ZBTB38: variants seen among roughly 807,000 people sequenced by gnomAD.
ZBTB38 encodes zinc finger and BTB domain-containing protein 38.
Under a neutral mutation model 76.8 loss-of-function variants are expected in ZBTB38, and 20 were observed. That is an observed-to-expected ratio of 0.26 (90% confidence interval 0.18 to 0.38). ZBTB38 has a LOEUF of 0.38. ZBTB38 is among the 10% of genes least tolerant of loss of function. ZBTB38 has a pLI of 1.00. For missense variants in ZBTB38, 1,082 were observed against 1,482.3 expected, an observed-to-expected ratio of 0.73 and a Z score of 4.43; for synonymous variants, 504 against 544.2, an observed-to-expected ratio of 0.93 and a Z score of 1.03.
intron 1 of ZBTB38, among the ~76,000 whole-genome samples, chr3:141,335,749 A>G (rs994170303): frequency 1.2e-4 from 18 of 152,196 alleles, no homozygotes; most frequent in African/African-American, 3.9e-4. Flanking sequence ...GTTTCTATCA[A>G]TCACATCCGC....
At chr3:141,328,040 G>C (rs1261366361) in intron 1 of ZBTB38, among the ~76,000 whole-genome samples, 1 of 152,102 alleles carries the variant, frequency 6.6e-6, no homozygotes, top group Non-Finnish European at 1.5e-5. Context: ...AATGCTTGAA[G>C]TTCAAGATGG....
chr3:141,412,536 G>C (rs375916249), intron 5 of ZBTB38, among the ~76,000 whole-genome samples: 1 of 151,718 alleles, frequency 6.6e-6, no homozygotes, highest in Non-Finnish European at 1.5e-5. Context: ...AACATATTGC[G>C]AGTGTTTACC....
intron 4 of ZBTB38, among the ~76,000 whole-genome samples, chr3:141,399,339 A>AG (rs1331618681): frequency 6.6e-6 from 1 of 152,144 alleles, no homozygotes; most frequent in African/African-American, 2.4e-5. Flanking sequence ...TCCCATAAGC[A>AG]GTTTCACACA....
At chr3:141,416,163 G>A (rs1020002669) in intron 5 of ZBTB38, among the ~76,000 whole-genome samples, 4 of 152,104 alleles carry the variant, frequency 2.6e-5, no homozygotes, top group African/African-American at 9.7e-5. Context: ...TGACCTGTCT[G>A]GACTGGAAAC....
At chr3:141,346,640 G>GA (rs1446033692) in intron 1 of ZBTB38, among the ~76,000 whole-genome samples, 1 of 152,102 alleles carries the variant, frequency 6.6e-6, no homozygotes, top group Non-Finnish European at 1.5e-5. Flanking sequence ...ACGCTCAGAC[G>GA]AGGGGTAAAT....
chr3:141,361,567 A>C (rs1384412281), intron 1 of ZBTB38, among the ~76,000 whole-genome samples: 8 of 152,250 alleles, frequency 5.3e-5, no homozygotes, highest in Admixed American at 5.2e-4. Flanking sequence ...TGAAAACCAG[A>C]AGAGATGGAG....
intron 5 of ZBTB38, among the ~76,000 whole-genome samples, chr3:141,405,001 A>C (rs1488793114): frequency 6.6e-6 from 1 of 152,136 alleles, no homozygotes; most frequent in Non-Finnish European, 1.5e-5. Flanking sequence ...CCTACTTCTA[A>C]ATTCAATTTT....
chr3:141,353,976 T>A (rs897425997), intron 1 of ZBTB38, among the ~76,000 whole-genome samples: 1 of 152,156 alleles, frequency 6.6e-6, no homozygotes, highest in African/African-American at 2.4e-5. Flanking sequence ...AGTCAACACT[T>A]GGGTATCTGG....
At chr3:141,340,232 A>G (rs1943132987) in intron 1 of ZBTB38, among the ~76,000 whole-genome samples, 1 of 152,234 alleles carries the variant, frequency 6.6e-6, no homozygotes, top group African/African-American at 2.4e-5. Flanking sequence ...TATACTTTAG[A>G]GTTTTCAATA....
rs2073219023 is a variant in ZBTB38 at position 141,413,714 on chromosome 3, G to C, written c.-1+9683G>C. ...TGCTTGTTTTAAAGGAGAGCTGAGT[G>C]CCTCTGATAGAAAATCTGATTTCAT... is the stretch of plus-strand genomic sequence containing the variant. On this transcript the variant is annotated intron_variant, in intron 5 of 5. Transcript: ENST00000321464. The surrounding 1 kb of genome is among the most constrained non-coding windows in gnomAD (Gnocchi z 4.1). Among the ~76,000 whole-genome samples the C allele has an allele frequency of 6.6e-6, 1 of 152,174 alleles. No individual in the cohort carries two copies. Among genetic ancestry groups the C allele is most frequent in the Non-Finnish European group, 1.5e-5 (1 of 68,034 alleles).
intron 1 of ZBTB38, among the ~76,000 whole-genome samples, 160 bp downstream of exon 1, chr3:141,368,964 A>T (rs1478014298): frequency 6.8e-6 from 1 of 146,192 alleles, no homozygotes; most frequent in Non-Finnish European, 1.5e-5. Context: ...AAGGGATCTG[A>T]TATCTCTCTC....
chr3:141,331,380 C>A (rs1024259302), intron 1 of ZBTB38, among the ~76,000 whole-genome samples: 2 of 152,200 alleles, frequency 1.3e-5, no homozygotes, highest in Non-Finnish European at 2.9e-5. Flanking sequence ...GAGACAGAGA[C>A]AGAGCTGGCT....
At chr3:141,406,080 G>C (rs1011596906) in intron 5 of ZBTB38, among the ~76,000 whole-genome samples, 4 of 152,148 alleles carry the variant, frequency 2.6e-5, no homozygotes, top group African/African-American at 9.7e-5. Flanking sequence ...GTCCAACTGA[G>C]TTAGAACTGG....
rs1024898236 is a variant in ZBTB38, at chr3:141,413,365, G to A, written c.-1+9334G>A. ...ACATCCCCCTGATGTCTCTAAAGCT[G>A]AAATCTGCTTCCTGGGTTTAGCCAC... On this transcript the variant is annotated intron_variant, in intron 5 of 5. Coordinates refer to ENST00000321464, the MANE Select transcript of ZBTB38 (RefSeq NM_001376113.1). The surrounding 1 kb of genome is among the most constrained non-coding windows in gnomAD (Gnocchi z 4.1). Among the ~76,000 whole-genome samples the A allele has an allele frequency of 6.6e-6, 1 of 152,198 alleles. No individual in the cohort carries two copies. Among genetic ancestry groups the A allele is most frequent in the African/African-American group, 2.4e-5 (1 of 41,438 alleles).
intron 4 of ZBTB38, among the ~76,000 whole-genome samples, chr3:141,399,987 CTTTTTT>C (rs557587979): frequency 1.7e-4 from 14 of 80,464 alleles, no homozygotes; most frequent in African/African-American, 3.1e-4. Flanking sequence ...GAAAGTCTTG[CTTTTTT>C]TTTTTTTTTT....
intron 5 of ZBTB38, among the ~76,000 whole-genome samples, chr3:141,425,104 C>T (rs554738352): frequency 2.0e-5 from 3 of 152,310 alleles, no homozygotes; most frequent in African/African-American, 7.2e-5. Flanking sequence ...AGAGCCAGGT[C>T]CCCCAGATAC....
intron 5 of ZBTB38, chr3:141,432,315 A>G: frequency 2.9e-5 from 28 of 976,254 alleles, no homozygotes; most frequent in Non-Finnish European, 3.4e-5. Flanking sequence ...ATAGAAGACA[A>G]CTTGCCATAG....
chr3:141,337,466 C>T (rs906242685), intron 1 of ZBTB38, among the ~76,000 whole-genome samples: 2 of 152,230 alleles, frequency 1.3e-5, no homozygotes, highest in East Asian at 1.9e-4. Flanking sequence ...TCCCCTCCAA[C>T]CCTGCCGCAG....
intron 1 of ZBTB38, among the ~76,000 whole-genome samples, chr3:141,330,343 G>C (rs1205482945): frequency 6.6e-6 from 1 of 152,244 alleles, no homozygotes; most frequent in Non-Finnish European, 1.5e-5. Flanking sequence ...CTTGGGAACA[G>C]ATTCCTGGAA....
Sources: allele counts gnomAD v4.1 joint callset (sites outside exome capture counted in the v4.1 genomes callset), GRCh38; gene constraint gnomAD v4.1.1; non-coding constraint Gnocchi (gnomAD v3.1); transcripts MANE v1.5; gene names NCBI Gene and HGNC (gene_info 2026-07-23, HGNC 2026-07-21).